RUBCN: variants seen among roughly 807,000 people sequenced by gnomAD.
The protein encoded by RUBCN is rubicon autophagy regulator, also known as run domain Beclin-1-interacting and cysteine-rich domain-containing protein.
In RUBCN, 74 loss-of-function variants were observed where a neutral mutation model predicts 113.2. That is an observed-to-expected ratio of 0.65 (90% CI 0.54 to 0.79). The LOEUF (loss-of-function observed/expected upper bound fraction) is 0.79. RUBCN is among the 30% of genes least tolerant of loss of function. RUBCN has a pLI of 0.00. For synonymous variants in RUBCN, 480 were observed against 490.0 expected, an observed-to-expected ratio of 0.98 and a Z score of 0.27; for missense variants, 1,109 against 1,251.7, an observed-to-expected ratio of 0.89 and a Z score of 1.72.
At position 197,695,921 on chromosome 3, in the gene RUBCN, G is replaced by A. The variant is rs1722949301; in HGVS notation, c.1418C>T (p.Ser473Phe). The A allele has an allele frequency of 6.2e-7, 1 of 1,614,050 alleles. No homozygotes were observed. Among genetic ancestry groups the A allele is most frequent in the Non-Finnish European group, 8.5e-7 (1 of 1,180,038 alleles). The change falls in exon 9 of 20, where the codon TCC becomes TTC. Residue 473 changes from serine to phenylalanine, a missense_variant. Physicochemically the swap from Ser to Phe is radical, Grantham distance 155. Coordinates refer to ENST00000296343, the MANE Select transcript of RUBCN (RefSeq NM_014687.4). The stretch of plus-strand genomic sequence containing the variant: ...TTGCTCAGAGAGGTAGCTGATGAGG[G>A]ACTGTCCTTCTGATGGTCTTCGGAA... The part of the protein sequence containing the change: ...GMFRRPSEGQ[S>F]LISYLSEQDF...
chr3:197,725,923 G>C (rs990937826), intron 1 of RUBCN, among the ~76,000 whole-genome samples: 1 of 152,056 alleles, frequency 6.6e-6, no homozygotes, highest in Non-Finnish European at 1.5e-5. Context: ...TAGGTACGGG[G>C]ACCTCATCAC....
Position 197,709,947 on chromosome 3 carries a change from G to C in RUBCN, c.220-4772C>G, listed in dbSNP as rs1435997675. ...GCATTTTGGGAGGCAGAGGCAGGCG[G>C]ATCACTTGAAGTCAGGAGTTCGAGG... is the stretch of plus-strand genomic sequence containing the variant. On this transcript the variant is annotated intron_variant, in intron 2 of 19. Coordinates refer to ENST00000296343, the MANE Select transcript of RUBCN (RefSeq NM_014687.4). Among the ~76,000 whole-genome samples, 3 of 151,878 alleles carry C rather than the reference G, an allele frequency of 2.0e-5. No individual in the cohort carries two copies. In the South Asian group the frequency reaches 6.3e-4, roughly 32 times the overall value.
chr3:197,676,114 T>C, intron 18 of RUBCN: 4 of 813,188 alleles, frequency 4.9e-6, no homozygotes, highest in African/African-American at 1.9e-5. Flanking sequence ...ATACATAAAG[T>C]ATACAAAACG....
chr3:197,723,793 G>A (rs1228256654), intron 1 of RUBCN, among the ~76,000 whole-genome samples: 1 of 152,060 alleles, frequency 6.6e-6, no homozygotes, highest in East Asian at 1.9e-4. Context: ...TCACAATGGA[G>A]AAATAAAATA....
In RUBCN at chr3:197,676,903, G is replaced by C; in HGVS notation, c.2628C>G (p.Thr876=). 1.2e-6 allele frequency: 2 copies of C among 1,614,140 alleles called. No homozygotes were observed. Among genetic ancestry groups the C allele is most frequent in the Non-Finnish European group, 1.7e-6 (2 of 1,180,014 alleles). Residue 876 remains threonine (T), a synonymous_variant, in exon 18 of 20, where the codon ACC becomes ACG. Transcript: ENST00000296343. ...TTCTCACCATGCATCTCTCCACATG[G>C]GTAGCCCCTGCCCTGGTGAGCTCAG... ...RLAELTRAGA[T]HVERCMLCQA... is the part of the protein sequence containing the mutation.
At chr3:197,726,538 G>A (rs570258627) in intron 1 of RUBCN, among the ~76,000 whole-genome samples, 7 of 135,420 alleles carry the variant, frequency 5.2e-5, no homozygotes, top group African/African-American at 2.0e-4. Flanking sequence ...GAGCCACCGC[G>A]TCCAGCCTAT....
chr3:197,704,765 A>G, intron 3 of RUBCN, 64 bp from the exon 4 acceptor site: 1 of 1,529,204 alleles, frequency 6.5e-7, no homozygotes, highest in South Asian at 1.1e-5. Context: ...ATTGAGGCCT[A>G]ATGACCTGAG....
At chr3:197,707,444 T>C (rs1160750402) in intron 2 of RUBCN, among the ~76,000 whole-genome samples, 2 of 152,050 alleles carry the variant, frequency 1.3e-5, no homozygotes, top group African/African-American at 4.8e-5. Context: ...ATGGAAAAAA[T>C]TGATTATTCA....
intron 1 of RUBCN, among the ~76,000 whole-genome samples, chr3:197,731,155 T>G (rs1244449568): frequency 1.3e-5 from 2 of 151,888 alleles, no homozygotes; most frequent in Non-Finnish European, 2.9e-5. Flanking sequence ...TCCGCAGTGT[T>G]TGTGTCCCTG....
chr3:197,696,244 T>A (rs993744397), intron 8 of RUBCN, among the ~76,000 whole-genome samples: 4 of 152,022 alleles, frequency 2.6e-5, no homozygotes, highest in Non-Finnish European at 4.4e-5. Flanking sequence ...TGGTGGCACA[T>A]GCCTGTAATC....
chr3:197,742,659 C>T lies in RUBCN; in HGVS notation c.-116+6610G>A, dbSNP rs967496215. ...GCTTGAGTGGCTGCTATGTGCAAGA[C>T]GCTGTGCTTTAGTTAGTCTCCCCCA... On this transcript the variant is annotated intron_variant, in intron 1 of 20. Coordinates refer to the RUBCN transcript ENST00000273582. 5.3e-5 allele frequency among the ~76,000 whole-genome samples: 8 copies of T among 152,300 alleles called. No individual in the cohort carries two copies. The East Asian group carries it at 5.8e-4, about 11-fold the overall frequency.
At chr3:197,735,420 T>C (rs1580403741) in intron 1 of RUBCN, among the ~76,000 whole-genome samples, 1 of 152,112 alleles carries the variant, frequency 6.6e-6, no homozygotes. Flanking sequence ...AAAAATAAAA[T>C]AATAAATGTC....
At position 197,716,755 on chromosome 3, in the gene RUBCN, T is replaced by A. The variant is rs546072528; in HGVS notation, c.219+1222A>T. Among the ~76,000 whole-genome samples the A allele has an allele frequency of 2.0e-5, 3 of 152,142 alleles. No homozygotes were observed. In the East Asian group the frequency reaches 5.8e-4, roughly 29 times the overall value. ...GGGCCCAGTATAATTGTAAGAGTCC[T>A]TAAGAGGGAGGTAGGAATGGTCATA... On this transcript the variant is annotated intron_variant, in intron 2 of 19. Coordinates refer to ENST00000296343, the MANE Select transcript of RUBCN (RefSeq NM_014687.4).
chr3:197,731,507 G>A (rs1286267404), intron 1 of RUBCN, among the ~76,000 whole-genome samples: 2 of 152,224 alleles, frequency 1.3e-5, no homozygotes, highest in Non-Finnish European at 2.9e-5. Context: ...ATGAGCTGTT[G>A]GGTACACCTC....
At chr3:197,741,505 C>G (rs1728522880), upstream of RUBCN, among the ~76,000 whole-genome samples, 2 of 152,206 alleles carry the variant, frequency 1.3e-5, no homozygotes, top group Non-Finnish European at 2.9e-5. Context: ...TCCATCCCCT[C>G]TAAGCACTTA....
At chr3:197,717,481 TG>T (rs1725679852) in intron 2 of RUBCN, among the ~76,000 whole-genome samples, 1 of 148,734 alleles carries the variant, frequency 6.7e-6, no homozygotes, top group African/African-American at 2.5e-5. Flanking sequence ...GATTTGAAGG[TG>T]CTATGCTGTT....
Position 197,681,132 on chromosome 3 carries a change from G to A in RUBCN, c.2427C>T (p.Val809=), listed in dbSNP as rs753306587. The stretch of plus-strand genomic sequence containing the variant: ...GTGGCCTTTTCCAAGGTCTTACCCG[G>A]ACTTGATTGAGCAGCTTGACCTTCC... ...LYRKVKLLNQ[V]RLLRVQLCHM... The change falls in exon 16 of 20, where the codon GTC becomes GTT. Residue 809 remains valine, a synonymous_variant. Transcript: ENST00000296343. This position sits in a 1 kb window ranked among gnomAD's most constrained non-coding sequence, Gnocchi z 5.5. 5.0e-6 allele frequency: 8 copies of A among 1,609,602 alleles called. No homozygotes were observed. The South Asian group carries it at 8.8e-5, about 18-fold the overall frequency.
intron 1 of RUBCN, among the ~76,000 whole-genome samples, chr3:197,723,860 T>C (rs762420644): frequency 2.0e-5 from 3 of 152,072 alleles, no homozygotes; most frequent in Non-Finnish European, 4.4e-5. Flanking sequence ...TTTGAGGGGC[T>C]GAGGCAGGCA....
At chr3:197,715,158 GCA>G (rs1580320821) in intron 2 of RUBCN, among the ~76,000 whole-genome samples, 2 of 151,906 alleles carry the variant, frequency 1.3e-5, no homozygotes, top group East Asian at 3.9e-4. Flanking sequence ...GCGTGGTGGT[GCA>G]TGACTGTAAT....
Sources: allele counts gnomAD v4.1 joint callset (sites outside exome capture counted in the v4.1 genomes callset), GRCh38; gene constraint gnomAD v4.1.1; non-coding constraint Gnocchi (gnomAD v3.1); transcripts MANE v1.5; gene names NCBI Gene and HGNC (gene_info 2026-07-23, HGNC 2026-07-21).